The following PACS1 variants were observed in gnomAD, a reference collection of about 807,000 sequenced individuals.
The protein encoded by PACS1 is PACS-1.
A neutral mutation model predicts 115.0 loss-of-function variants in PACS1; 24 were observed. That is an observed-to-expected ratio of 0.21 (90% CI 0.15 to 0.29). The LOEUF is 0.29. Ranked by LOEUF, PACS1 falls within the 10% of genes least tolerant of loss-of-function variation. The pLI is 1.00. For missense variants in PACS1, 838 were observed against 1,251.2 expected (o/e 0.67, Z 4.98); for synonymous variants, 453 against 504.5 (o/e 0.90, Z 1.37).
At chr11:66,082,838 A>C (rs1857510582) in intron 1 of PACS1, among the ~76,000 whole-genome samples, 1 of 152,218 alleles carries the variant, frequency 6.6e-6, no homozygotes, top group African/African-American at 2.4e-5. Flanking sequence ...CTGGGCAGCA[A>C]GAGCAAAACT....
intron 7 of PACS1, 148 bp from the exon 8 acceptor site, chr11:66,219,598 C>A (rs774007244): frequency 2.7e-6 from 2 of 735,366 alleles, no homozygotes; most frequent in Non-Finnish European, 5.0e-6. Flanking sequence ...TCCTGACAGG[C>A]TTTGAGTGCC....
At chr11:66,198,235 A>C (rs1443853791) in intron 2 of PACS1, among the ~76,000 whole-genome samples, 1 of 152,244 alleles carries the variant, frequency 6.6e-6, no homozygotes, top group Non-Finnish European at 1.5e-5. Flanking sequence ...AAGACTGAGT[A>C]ACCATATGAC....
chr11:66,230,170 AT>A (rs1247512395), intron 11 of PACS1, among the ~76,000 whole-genome samples: 4 of 150,848 alleles, frequency 2.7e-5, no homozygotes, highest in African/African-American at 9.7e-5. Context: ...AAAAAAAGGA[AT>A]GGGGCTATGG....
intron 4 of PACS1, among the ~76,000 whole-genome samples, chr11:66,212,142 T>C (rs556883566): frequency 2.0e-5 from 3 of 151,832 alleles, no homozygotes; most frequent in Non-Finnish European, 4.4e-5. Flanking sequence ...TTTTTACTTT[T>C]TTTTTTTTGA....
At chr11:66,156,139 T>C (rs1420435875) in intron 1 of PACS1, among the ~76,000 whole-genome samples, 1 of 149,208 alleles carries the variant, frequency 6.7e-6, no homozygotes, top group Non-Finnish European at 1.5e-5. Flanking sequence ...CACTGGTATA[T>C]TGTATGTAAA....
chr11:66,220,608 C>T (rs1229511218), intron 8 of PACS1, 23 bp from the exon 9 acceptor site: 2 of 1,613,714 alleles, frequency 1.2e-6, no homozygotes, highest in African/African-American at 2.7e-5. Flanking sequence ...ACCCTAAATT[C>T]AGAGACTCCT....
At chr11:66,100,859 G>A (rs1250863002) in intron 1 of PACS1, 2 of 456,286 alleles carry the variant, frequency 4.4e-6, no homozygotes, top group African/African-American at 2.0e-5. Flanking sequence ...CCACGTGGCT[G>A]CTTGGCTTCC....
intron 1 of PACS1, among the ~76,000 whole-genome samples, chr11:66,109,923 T>C (rs1456392459): frequency 6.6e-6 from 1 of 152,216 alleles, no homozygotes; most frequent in East Asian, 1.9e-4. Flanking sequence ...CAGTTACTGA[T>C]GCAGTATTTT....
At chr11:66,232,080 C>A in intron 13 of PACS1, 92 bp from the exon 14 acceptor site, 1 of 762,986 alleles carries the variant, frequency 1.3e-6, no homozygotes, top group Admixed American at 2.0e-5. Flanking sequence ...AACACCCCTG[C>A]TCCAGAGACT....
At chr11:66,229,886 C>T (rs974903147) in intron 11 of PACS1, among the ~76,000 whole-genome samples, 5 of 151,116 alleles carry the variant, frequency 3.3e-5, no homozygotes, top group Admixed American at 2.6e-4. Context: ...GCGGAGGTTG[C>T]GGTGAGCCAA....
intron 2 of PACS1, among the ~76,000 whole-genome samples, chr11:66,202,743 ATATATATATATATAT>A (rs1444945173): frequency 0.02 from 1,180 of 58,924 alleles, 216 homozygotes; most frequent in African/African-American, 0.082. Context: ...AAAAAAAAAA[ATATATATATATATAT>A]ATATATATAT....
intron 1 of PACS1, among the ~76,000 whole-genome samples, chr11:66,123,532 A>T (rs895161234): frequency 1.8e-4 from 26 of 146,242 alleles, no homozygotes; most frequent in Admixed American, 4.8e-4. Context: ...TTATTTATTT[A>T]TTTTTTTGGG....
rs1013306341 is a variant in PACS1 at position 66,231,015 on chromosome 11, C to T, written c.1626+75C>T. ...CTTCAGGCTCTGTTTTGTTGGCTTC[C>T]TTGGACAGTTAGTTGGAGAGAAGAG... On this transcript the variant is annotated intron_variant, in intron 13 of 23. Coordinates refer to ENST00000320580, the MANE Select transcript of PACS1 (RefSeq NM_018026.4). 2.6e-6 allele frequency: 4 copies of T among 1,557,204 alleles called. No individual in the cohort carries two copies. In the South Asian group the frequency reaches 4.5e-5, roughly 17 times the overall value.
intron 1 of PACS1, among the ~76,000 whole-genome samples, chr11:66,122,048 T>G (rs1858455765): frequency 6.6e-6 from 1 of 152,220 alleles, no homozygotes; most frequent in South Asian, 2.1e-4. Context: ...AGTGTCTGGC[T>G]TCAACATTTC....
intron 1 of PACS1, among the ~76,000 whole-genome samples, chr11:66,179,424 C>T (rs930089493): frequency 1.3e-5 from 2 of 152,078 alleles, no homozygotes; most frequent in African/African-American, 4.8e-5. Context: ...GGTGATCGGC[C>T]CGCCCCAGGC....
chr11:66,106,655 C>T (rs1858048064), intron 1 of PACS1, among the ~76,000 whole-genome samples: 1 of 151,918 alleles, frequency 6.6e-6, no homozygotes, highest in African/African-American at 2.4e-5. Context: ...AAGAGGTAGG[C>T]TGAGGTGGGA....
intron 1 of PACS1, among the ~76,000 whole-genome samples, chr11:66,102,324 A>T (rs1565106993): frequency 6.7e-6 from 1 of 148,746 alleles, no homozygotes; most frequent in Non-Finnish European, 1.5e-5. Flanking sequence ...TATTATTATT[A>T]TTATTTTATT....
At chr11:66,131,710 T>C (rs541986610) in intron 1 of PACS1, among the ~76,000 whole-genome samples, 2 of 151,998 alleles carry the variant, frequency 1.3e-5, no homozygotes, top group Non-Finnish European at 2.9e-5. Flanking sequence ...GAAGGATTGC[T>C]TGAAGCCAGG....
At chr11:66,160,059 A>G (rs1859451967) in intron 1 of PACS1, among the ~76,000 whole-genome samples, 1 of 152,218 alleles carries the variant, frequency 6.6e-6, no homozygotes. Context: ...AATAAGCTAC[A>G]CATTTCCTGT....
Sources: allele counts gnomAD v4.1 joint callset (sites outside exome capture counted in the v4.1 genomes callset), GRCh38; gene constraint gnomAD v4.1.1; transcripts MANE v1.5; gene names NCBI Gene and HGNC (gene_info 2026-07-23, HGNC 2026-07-21).